VPS53: variants seen among roughly 807,000 people sequenced by gnomAD.
The protein encoded by VPS53 is VPS53 subunit of GARP complex.
Under a neutral mutation model 107.0 loss-of-function variants are expected in VPS53, and 70 were observed. The observed-to-expected ratio is 0.65, with a 90% CI of 0.54 to 0.80. The LOEUF is 0.80. Ranked by LOEUF, VPS53 falls within the 30% of genes least tolerant of loss-of-function variation. VPS53 has a pLI of 0.00. For synonymous variants in VPS53, 409 were observed against 393.3 expected (o/e 1.04, Z -0.47); for missense variants, 917 against 1,049.4 (o/e 0.87, Z 1.74).
At chr17:596,614 G>C (rs1365547191) in intron 12 of VPS53, among the ~76,000 whole-genome samples, 3 of 152,186 alleles carry the variant, frequency 2.0e-5, no homozygotes, top group African/African-American at 7.2e-5. Flanking sequence ...GAGGAATAAT[G>C]GGAGAGACTG....
chr17:657,336 A>T (rs1051490091), intron 5 of VPS53: 3 of 756,980 alleles, frequency 4.0e-6, no homozygotes, highest in African/African-American at 3.4e-5. Context: ...AGGGTATGTT[A>T]TATCAGTTCG....
At chr17:635,057 G>A (rs1335940296) in intron 7 of VPS53, among the ~76,000 whole-genome samples, 1 of 152,172 alleles carries the variant, frequency 6.6e-6, no homozygotes, top group Non-Finnish European at 1.5e-5. Context: ...TCCAGCATCT[G>A]TTGTTTCCTG....
intron 12 of VPS53, among the ~76,000 whole-genome samples, chr17:593,456 T>A (rs1597354669): frequency 6.6e-6 from 1 of 151,832 alleles, no homozygotes; most frequent in East Asian, 1.9e-4. Flanking sequence ...TCAAACAAAT[T>A]TACAAGAAAA....
chr17:563,458 GCTAA>G (rs1913214958), intron 13 of VPS53, among the ~76,000 whole-genome samples: 1 of 152,004 alleles, frequency 6.6e-6, no homozygotes, highest in Non-Finnish European at 1.5e-5. Context: ...ACCATGCCCA[GCTAA>G]CTTTTATTTT....
chr17:687,310 G>A (rs1972621621), intron 4 of VPS53, among the ~76,000 whole-genome samples: 1 of 150,718 alleles, frequency 6.6e-6, no homozygotes, highest in African/African-American at 2.4e-5. Context: ...AGGTGCGGTG[G>A]CTCATACCTG....
intron 13 of VPS53, among the ~76,000 whole-genome samples, chr17:585,721 C>T (rs1365313098): frequency 6.6e-6 from 1 of 152,058 alleles, no homozygotes; most frequent in Non-Finnish European, 1.5e-5. Context: ...AGAGATCTGA[C>T]AACGAAATGC....
intron 11 of VPS53, among the ~76,000 whole-genome samples, chr17:620,414 G>T (rs370178964): frequency 3.3e-5 from 5 of 152,208 alleles, no homozygotes; most frequent in African/African-American, 1.2e-4. Context: ...GCTAGAGAAG[G>T]TGGCAGAGGT....
intron 7 of VPS53, among the ~76,000 whole-genome samples, chr17:644,710 A>G (rs1970612352): frequency 6.6e-6 from 1 of 151,870 alleles, no homozygotes; most frequent in African/African-American, 2.4e-5. Context: ...CAGCCTCCCA[A>G]GTAACTGGAA....
intron 1 of VPS53, 26 bp from the exon 2 acceptor site, chr17:710,639 T>C: frequency 6.7e-7 from 1 of 1,502,360 alleles, no homozygotes; most frequent in Non-Finnish European, 9.2e-7. Context: ...GGAGTATATA[T>C]AAAAACATGT....
intron 4 of VPS53, among the ~76,000 whole-genome samples, chr17:662,795 G>GAGAAAGAAAGAAAAAAAGAA (rs1971506055): frequency 1.4e-5 from 2 of 140,110 alleles, no homozygotes; most frequent in Admixed American, 7.6e-5. Context: ...AAAAAAGAAA[G>GAGAAAGAAAGAAAAAAAGAA]AGAAAGAAAG....
chr17:651,094 C>T (rs899227125), intron 7 of VPS53, among the ~76,000 whole-genome samples: 1 of 152,136 alleles, frequency 6.6e-6, no homozygotes, highest in African/African-American at 2.4e-5. Flanking sequence ...TAAATACACA[C>T]ACAAATCCAG....
intron 7 of VPS53, among the ~76,000 whole-genome samples, chr17:635,056 T>C (rs948066265): frequency 5.3e-5 from 8 of 152,340 alleles, no homozygotes; most frequent in Non-Finnish European, 1.2e-4. Context: ...CTCCAGCATC[T>C]GTTGTTTCCT....
At chr17:640,366 G>A (rs1385542353) in intron 7 of VPS53, among the ~76,000 whole-genome samples, 1 of 152,112 alleles carries the variant, frequency 6.6e-6, no homozygotes, top group African/African-American at 2.4e-5. Flanking sequence ...GCGATGCCCT[G>A]CCCTGCTTCA....
At chr17:679,549 A>G (rs1276526052) in intron 4 of VPS53, among the ~76,000 whole-genome samples, 3 of 152,126 alleles carry the variant, frequency 2.0e-5, no homozygotes, top group Non-Finnish European at 4.4e-5. Context: ...ATGGAAAGAG[A>G]ATATAAACAG....
intron 19 of VPS53, among the ~76,000 whole-genome samples, chr17:529,398 TCACACACA>T (rs3084065): frequency 2.7e-5 from 4 of 150,306 alleles, no homozygotes; most frequent in Non-Finnish European, 4.5e-5. Flanking sequence ...ACACACACAC[TCACACACA>T]CACACACACA....
At chr17:687,402 C>G (rs555839155) in intron 4 of VPS53, among the ~76,000 whole-genome samples, 3 of 151,910 alleles carry the variant, frequency 2.0e-5, no homozygotes, top group Non-Finnish European at 4.4e-5. Flanking sequence ...ATGGGGAAAC[C>G]CCATCTCCAC....
chr17:683,246 T>A (rs1291547219), intron 4 of VPS53, among the ~76,000 whole-genome samples: 1 of 151,368 alleles, frequency 6.6e-6, no homozygotes, highest in African/African-American at 2.4e-5. Flanking sequence ...TGGCTGAGAA[T>A]TTTTTTTTAA....
At chr17:601,581 C>A (rs769254459) in intron 12 of VPS53, among the ~76,000 whole-genome samples, 5 of 152,190 alleles carry the variant, frequency 3.3e-5, no homozygotes, top group Non-Finnish European at 5.9e-5. Context: ...GTCCTGGAGG[C>A]GGGGCTCTTC....
chr17:553,512 A>C, intron 15 of VPS53, 50 bp from the exon 16 acceptor site: 2 of 1,354,724 alleles, frequency 1.5e-6, no homozygotes, highest in Non-Finnish European at 2.1e-6. Context: ...TATCCAAAGA[A>C]GTACCATCAC....
Sources: allele counts gnomAD v4.1 joint callset (sites outside exome capture counted in the v4.1 genomes callset), GRCh38; gene constraint gnomAD v4.1.1; transcripts MANE v1.5; gene names NCBI Gene and HGNC (gene_info 2026-07-23, HGNC 2026-07-21).